The following CEP162 variants were observed in gnomAD, a reference collection of about 807,000 sequenced individuals.
CEP162 encodes the protein centrosomal protein of 162 kDa.
In CEP162, 141 loss-of-function variants were observed where a neutral mutation model predicts 169.2. The observed-to-expected ratio is 0.83, with a 90% CI of 0.73 to 0.96. The LOEUF (loss-of-function observed/expected upper bound fraction) is 0.96, where lower values mean the gene tolerates loss of function less well. Ranked by LOEUF, CEP162 falls within the 40% of genes least tolerant of loss-of-function variation. The pLI is 0.00. For synonymous variants in CEP162, 540 were observed against 526.4 expected (o/e 1.03, Z -0.35); for missense variants, 1,600 against 1,587.2 (o/e 1.01, Z -0.14).
chr6:84,133,324 A>G lies in CEP162; in HGVS notation c.3871-6812T>C, dbSNP rs182888290. Among the ~76,000 whole-genome samples the G allele has an allele frequency of 4.6e-3, 694 of 152,290 alleles. 8 individuals are homozygous for G. Among genetic ancestry groups the G allele is most frequent in the African/African-American group, 0.016 (662 of 41,568 alleles). ...TCAAGTGTCAGGGACCCACTTGAGGAGGCAGTCTGTCTGTTCTCAGATCTC... is the reference window on the plus strand; with the variant it reads ...TCAAGTGTCAGGGACCCACTTGAGGGGGCAGTCTGTCTGTTCTCAGATCTC... On this transcript the variant is annotated intron_variant, in intron 25 of 26. Coordinates refer to ENST00000403245, the MANE Select transcript of CEP162 (RefSeq NM_014895.4).
chr6:84,161,637 G>C, intron 20 of CEP162, 109 bp downstream of exon 20: 1 of 791,290 alleles, frequency 1.3e-6, no homozygotes, highest in Non-Finnish European at 2.0e-6. Flanking sequence ...TTAATTAATA[G>C]TTCAGATCTT....
chr6:84,203,122 G>C (rs541811195), intron 7 of CEP162, among the ~76,000 whole-genome samples: 17 of 152,252 alleles, frequency 1.1e-4, no homozygotes, highest in Non-Finnish European at 1.9e-4. Flanking sequence ...TAGCTTCAAA[G>C]ATAAGTTCTA....
chr6:84,189,438 G>A (rs1189984484), intron 11 of CEP162, among the ~76,000 whole-genome samples: 3 of 152,232 alleles, frequency 2.0e-5, no homozygotes, highest in African/African-American at 7.2e-5. Context: ...GGGTGGGCAT[G>A]GGGTTGGTGG....
chr6:84,162,169 T>A (rs2099526040), intron 19 of CEP162, among the ~76,000 whole-genome samples: 1 of 152,192 alleles, frequency 6.6e-6, no homozygotes. Flanking sequence ...GATAAATTAT[T>A]TTCCACTAAC....
At chr6:84,178,504 T>C (rs1347523052) in intron 13 of CEP162, among the ~76,000 whole-genome samples, 2 of 152,184 alleles carry the variant, frequency 1.3e-5, no homozygotes, top group Non-Finnish European at 2.9e-5. Context: ...TTCAATAAAT[T>C]TATTCAACCA....
intron 18 of CEP162, among the ~76,000 whole-genome samples, chr6:84,167,568 G>T (rs114306405): frequency 6.6e-6 from 1 of 152,050 alleles, no homozygotes; most frequent in African/African-American, 2.4e-5. Flanking sequence ...TTTTATCTGT[G>T]GGAATACTGT....
chr6:84,208,920 T>C (rs1482199215), intron 6 of CEP162, among the ~76,000 whole-genome samples: 1 of 152,246 alleles, frequency 6.6e-6, no homozygotes, highest in Non-Finnish European at 1.5e-5. Context: ...CACCGAATTT[T>C]AAGTGACCCT....
At chr6:84,203,327 C>T (rs1032752280) in intron 7 of CEP162, among the ~76,000 whole-genome samples, 1 of 152,134 alleles carries the variant, frequency 6.6e-6, no homozygotes, top group Admixed American at 6.5e-5. Flanking sequence ...TTCATAAAGG[C>T]AAGTCATACC....
intron 25 of CEP162, among the ~76,000 whole-genome samples, chr6:84,139,924 C>T (rs1310585428): frequency 9.7e-6 from 1 of 103,110 alleles, no homozygotes; most frequent in Non-Finnish European, 1.7e-5. Flanking sequence ...GTTCCAGCCA[C>T]CCTCTCAGGC....
chr6:84,134,415 G>A lies in CEP162; in HGVS notation c.3871-7903C>T, dbSNP rs565977877. 5.3e-5 allele frequency among the ~76,000 whole-genome samples: 8 copies of A among 152,302 alleles called. 1 individual carries two copies. The highest frequency in any genetic ancestry group is 1.9e-4 in the African/African-American group (8 of 41,572). On this transcript the variant is annotated intron_variant, in intron 25 of 26. Transcript: ENST00000403245. The stretch of plus-strand genomic sequence containing the variant: ...GTATGAAAAAAAACTCCTGCAGCTA[G>A]CTCAGTGTCTGCCCAAACGGCCGCC...
chr6:84,194,362 AAAAAAG>A (rs2099541176), intron 10 of CEP162, among the ~76,000 whole-genome samples: 1 of 145,130 alleles, frequency 6.9e-6, no homozygotes, highest in African/African-American at 2.5e-5. Context: ...CTCAAAAAAA[AAAAAAG>A]AAAAGAAAAG....
intron 25 of CEP162, among the ~76,000 whole-genome samples, chr6:84,140,342 T>C (rs1397901068): frequency 6.6e-6 from 1 of 152,140 alleles, no homozygotes; most frequent in Non-Finnish European, 1.5e-5. Context: ...TGACTGGAGG[T>C]GTCTCTGTGG....
intron 25 of CEP162, among the ~76,000 whole-genome samples, chr6:84,134,949 CACACACATAT>C (rs2099513348): frequency 1.3e-5 from 2 of 151,266 alleles, no homozygotes; most frequent in East Asian, 3.9e-4. Context: ...CACACACACA[CACACACATAT>C]ATAGTGTTAG....
Position 84,185,204 on chromosome 6 carries a change from T to C in CEP162, c.1646A>G (p.Asn549Ser), listed in dbSNP as rs191271410. The change falls in exon 13 of 27, where the codon AAT becomes AGT. Residue 549 changes from asparagine (N) to serine (S), a missense_variant. Transcript: ENST00000403245. ...SKNLRSISTSNQPRKKEILSG... is the reference protein window; with the variant it reads ...SKNLRSISTSSQPRKKEILSG... ...ATGATTACCTTTTTTCCTAGGTTGA[T>C]TGGAGGTAGAAATCGATCTCAAGTT... 76 of 1,611,436 alleles carry C rather than the reference T, an allele frequency of 4.7e-5. 1 individual carries two copies. The Admixed American group carries it at 5.2e-4, about 11-fold the overall frequency.
chr6:84,190,159 G>A (rs2099539210), intron 11 of CEP162, among the ~76,000 whole-genome samples: 1 of 152,188 alleles, frequency 6.6e-6, no homozygotes, highest in Non-Finnish European at 1.5e-5. Flanking sequence ...CTCAAGGTTT[G>A]TGACTGCACC....
intron 13 of CEP162, among the ~76,000 whole-genome samples, chr6:84,178,312 C>T (rs1443810131): frequency 6.6e-6 from 1 of 151,466 alleles, no homozygotes; most frequent in African/African-American, 2.4e-5. Context: ...GACATATTTG[C>T]AGTTGAAATA....
chr6:84,178,717 T>A (rs1240107698), intron 13 of CEP162, among the ~76,000 whole-genome samples: 1 of 152,186 alleles, frequency 6.6e-6, no homozygotes, highest in Non-Finnish European at 1.5e-5. Flanking sequence ...CGTGCAGGTT[T>A]GTTACATATG....
chr6:84,159,547 A>ATATTT (rs2099524779), intron 21 of CEP162, among the ~76,000 whole-genome samples: 2 of 31,954 alleles, frequency 6.3e-5, no homozygotes, highest in Non-Finnish European at 1.0e-4. Flanking sequence ...ATATATATAT[A>ATATTT]TTTTTTTTTT....
intron 9 of CEP162, among the ~76,000 whole-genome samples, chr6:84,199,660 G>C (rs1294315176): frequency 6.6e-6 from 1 of 151,174 alleles, no homozygotes; most frequent in African/African-American, 2.4e-5. Flanking sequence ...GTCTGAATTG[G>C]TTTAGTTAAC....
Sources: gnomAD v4.1 joint callset for allele counts (sites outside exome capture counted in the v4.1 genomes callset) on GRCh38, gnomAD v4.1.1 for gene constraint, MANE v1.5 for transcripts, NCBI Gene and HGNC (gene_info 2026-07-23, HGNC 2026-07-21) for gene names.